THSD4: variants seen among roughly 807,000 people sequenced by gnomAD.
THSD4 encodes thrombospondin type 1 domain containing 4.
A neutral mutation model predicts 119.0 loss-of-function variants in THSD4; 69 were observed. The ratio of observed to expected loss-of-function variants is 0.58; its 90% confidence interval spans 0.48 to 0.71. The LOEUF (loss-of-function observed/expected upper bound fraction) is 0.71, where lower values mean the gene tolerates loss of function less well. Among genes scored for constraint, THSD4 ranks in the 30% least tolerant of loss-of-function variants. THSD4 has a pLI of 0.00. For missense variants in THSD4, 1,393 were observed against 1,391.1 expected (o/e 1.00, Z -0.02); for synonymous variants, 524 against 540.4 (o/e 0.97, Z 0.42).
intron 6 of THSD4, among the ~76,000 whole-genome samples, chr15:71,380,940 G>A (rs2046220996): frequency 6.6e-6 from 1 of 152,110 alleles, no homozygotes; most frequent in Admixed American, 6.5e-5. Context: ...CCGTCCCATT[G>A]AGGGTGGCAA....
At chr15:71,341,381 G>C (rs1319244928) in intron 6 of THSD4, 1 of 1,611,548 alleles carries the variant, frequency 6.2e-7, no homozygotes, top group Non-Finnish European at 8.5e-7. Context: ...AATGACCAGA[G>C]AATCTACATC....
At chr15:71,752,697 T>C (rs1262899453) in intron 14 of THSD4, among the ~76,000 whole-genome samples, 1 of 152,228 alleles carries the variant, frequency 6.6e-6, no homozygotes, top group Non-Finnish European at 1.5e-5. Flanking sequence ...GTAACATTGC[T>C]GAGTAACCGC....
At chr15:71,611,524 C>G (rs1280736201) in intron 7 of THSD4, among the ~76,000 whole-genome samples, 1 of 152,202 alleles carries the variant, frequency 6.6e-6, no homozygotes. Context: ...AGTGAACATC[C>G]TATGAACACC....
chr15:71,446,772 A>G (rs1449695959), intron 7 of THSD4, among the ~76,000 whole-genome samples: 3 of 152,074 alleles, frequency 2.0e-5, no homozygotes, highest in African/African-American at 7.2e-5. Flanking sequence ...ACTTCCCTCC[A>G]GTTTTCAGGA....
At chr15:71,604,694 A>G (rs2050074860) in intron 7 of THSD4, among the ~76,000 whole-genome samples, 1 of 152,250 alleles carries the variant, frequency 6.6e-6, no homozygotes, top group African/African-American at 2.4e-5. Flanking sequence ...AGCAAGGGCT[A>G]GGAAATGTAT....
At chr15:71,689,587 CAG>C (rs1313559525) in intron 8 of THSD4, among the ~76,000 whole-genome samples, 2 of 151,908 alleles carry the variant, frequency 1.3e-5, no homozygotes, top group African/African-American at 4.8e-5. Flanking sequence ...CACGCCTAAC[CAG>C]AGAGGTGTGT....
At position 71,565,383 on chromosome 15, in the gene THSD4, A is replaced by G. The variant is rs537251144; in HGVS notation, c.1153-95147A>G. Among the ~76,000 whole-genome samples the G allele has an allele frequency of 1.5e-3, 222 of 152,380 alleles. 1 individual carries two copies. Among genetic ancestry groups the G allele is most frequent in the Admixed American group, 2.0e-3 (31 of 15,302 alleles). ...TAATATTGACTGTGTAATGCAGCCC[A>G]GAGCAGAACCAGGATTCAGACCATC... On this transcript the variant is annotated intron_variant, in intron 7 of 17. Coordinates refer to ENST00000261862, the MANE Select transcript of THSD4 (RefSeq NM_024817.3).
intron 7 of THSD4, among the ~76,000 whole-genome samples, chr15:71,426,119 C>T (rs1021178548): frequency 1.3e-4 from 20 of 152,220 alleles, no homozygotes; most frequent in Admixed American, 1.1e-3. Context: ...GGTCAGTCAT[C>T]GCCCCACTGT....
At chr15:71,600,443 C>T (rs2049984743) in intron 7 of THSD4, among the ~76,000 whole-genome samples, 1 of 152,206 alleles carries the variant, frequency 6.6e-6, no homozygotes, top group Admixed American at 6.5e-5. Context: ...AGGGAAGAAT[C>T]TGTGTCTGAA....
At chr15:71,193,262 T>G (rs906039201) in intron 3 of THSD4, among the ~76,000 whole-genome samples, 4 of 152,156 alleles carry the variant, frequency 2.6e-5, no homozygotes, top group Admixed American at 2.0e-4. Context: ...TAAGCTTGCT[T>G]CTCACTGACT....
At chr15:71,287,290 A>G (rs2044730273) in intron 6 of THSD4, among the ~76,000 whole-genome samples, 1 of 152,178 alleles carries the variant, frequency 6.6e-6, no homozygotes, top group Admixed American at 6.5e-5. Context: ...TGTTTTTATC[A>G]TTTCATCATG....
intron 1 of THSD4, among the ~76,000 whole-genome samples, chr15:71,120,765 G>C (rs2040402540): frequency 6.6e-6 from 1 of 152,246 alleles, no homozygotes; most frequent in African/African-American, 2.4e-5. Context: ...GGGGATTAAG[G>C]CTTGAAAGAC....
intron 9 of THSD4, 104 bp downstream of exon 9, chr15:71,728,828 A>G (rs1388000726): frequency 6.8e-6 from 10 of 1,471,208 alleles, no homozygotes; most frequent in Non-Finnish European, 8.5e-6. Context: ...CATACTCAAT[A>G]AAAACCCTTT....
chr15:71,108,783 C>T (rs368279798), intron 1 of THSD4, among the ~76,000 whole-genome samples: 19 of 152,162 alleles, frequency 1.2e-4, no homozygotes, highest in African/African-American at 3.4e-4. Context: ...TGAGGTCAAG[C>T]GATGGAGACC....
At chr15:71,372,883 TAC>T (rs1486378385) in intron 6 of THSD4, among the ~76,000 whole-genome samples, 4 of 152,246 alleles carry the variant, frequency 2.6e-5, no homozygotes, top group Admixed American at 2.6e-4. Flanking sequence ...AGGTGGAGTC[TAC>T]AGAGGCAGGC....
At chr15:71,123,670 C>T (rs1470501398) in intron 1 of THSD4, among the ~76,000 whole-genome samples, 2 of 152,098 alleles carry the variant, frequency 1.3e-5, no homozygotes, top group Non-Finnish European at 1.5e-5. Context: ...CCCAGACAGG[C>T]ATCAGATTCA....
Position 71,567,158 on chromosome 15 carries a change from C to A in THSD4, c.1153-93372C>A, listed in dbSNP as rs575512595. On this transcript the variant is annotated intron_variant, in intron 7 of 17. Coordinates refer to ENST00000261862, the MANE Select transcript of THSD4 (RefSeq NM_024817.3). ...CTGCCCTCGACTGTACTGGCGGACC[C>A]TATAAGAGGCAGCACGTTGCAATCA... Among the ~76,000 whole-genome samples the A allele has an allele frequency of 1.4e-4, 21 of 152,244 alleles. No homozygotes were observed. In the South Asian group the frequency reaches 2.5e-3, roughly 18 times the overall value.
intron 3 of THSD4, among the ~76,000 whole-genome samples, chr15:71,166,453 C>A (rs1361504380): frequency 6.6e-6 from 1 of 152,190 alleles, no homozygotes; most frequent in Non-Finnish European, 1.5e-5. Context: ...CAGTAACTGT[C>A]CACACTGGTT....
chr15:71,359,758 C>T (rs1191976119), intron 6 of THSD4, among the ~76,000 whole-genome samples: 1 of 152,118 alleles, frequency 6.6e-6, no homozygotes, highest in Non-Finnish European at 1.5e-5. Context: ...TGCAGTGAGC[C>T]AAGATCTTGC....
Sources: allele counts gnomAD v4.1 joint callset (sites outside exome capture counted in the v4.1 genomes callset), GRCh38; gene constraint gnomAD v4.1.1; transcripts MANE v1.5; gene names NCBI Gene and HGNC (gene_info 2026-07-23, HGNC 2026-07-21).